SETD3: variants seen among roughly 807,000 people sequenced by gnomAD.
SETD3 encodes SET domain containing 3, actin N3(tau)-histidine methyltransferase.
Under a neutral mutation model 63.0 loss-of-function variants are expected in SETD3, and 19 were observed. The observed-to-expected ratio is 0.30, with a 90% CI of 0.21 to 0.44. SETD3 has a LOEUF of 0.44. SETD3 is among the 20% of genes least tolerant of loss of function. SETD3 has a pLI of 1.00. For missense variants in SETD3, 587 were observed against 728.5 expected (o/e 0.81, Z 2.24); for synonymous variants, 286 against 264.1 (o/e 1.08, Z -0.80).
chr14:99,407,819 G>A (rs117747491), intron 8 of SETD3, among the ~76,000 whole-genome samples: 5,024 of 152,238 alleles, frequency 0.033, 139 homozygotes, highest in Middle Eastern at 0.051. Context: ...GTCACACTTG[G>A]AAGCTGGAGC....
chr14:99,478,565 C>T (rs940217653), intron 1 of SETD3, among the ~76,000 whole-genome samples: 2 of 152,224 alleles, frequency 1.3e-5, no homozygotes, highest in African/African-American at 2.4e-5. Context: ...CCTCAAACTA[C>T]ACTGACATCT....
At chr14:99,426,241 A>G (rs917603448) in intron 6 of SETD3, among the ~76,000 whole-genome samples, 2 of 152,264 alleles carry the variant, frequency 1.3e-5, no homozygotes, top group African/African-American at 2.4e-5. Flanking sequence ...AATACCACGT[A>G]GCACTCTGGT....
intron 1 of SETD3, among the ~76,000 whole-genome samples, chr14:99,478,143 G>A (rs2082738043): frequency 6.6e-6 from 1 of 151,920 alleles, no homozygotes; most frequent in Admixed American, 6.6e-5. Context: ...CCAAAAATAA[G>A]GGTAGGTAAT....
chr14:99,421,835 T>C (rs905036012), intron 6 of SETD3, among the ~76,000 whole-genome samples: 6 of 152,132 alleles, frequency 3.9e-5, no homozygotes, highest in African/African-American at 1.4e-4. Flanking sequence ...AGACAAGAGT[T>C]TTCTGGAGTT....
At chr14:99,476,166 C>G (rs1895962442) in intron 1 of SETD3, among the ~76,000 whole-genome samples, 1 of 152,172 alleles carries the variant, frequency 6.6e-6, no homozygotes, top group African/African-American at 2.4e-5. Context: ...CTTACGGAGA[C>G]TGATTAATTT....
At chr14:99,437,780 A>C (rs1288379378) in intron 6 of SETD3, among the ~76,000 whole-genome samples, 1 of 152,246 alleles carries the variant, frequency 6.6e-6, no homozygotes, top group African/African-American at 2.4e-5. Flanking sequence ...AACTTGGCTC[A>C]ACACTTCAGT....
chr14:99,455,693 GT>G (rs1392382979), intron 6 of SETD3, among the ~76,000 whole-genome samples: 1 of 152,064 alleles, frequency 6.6e-6, no homozygotes, highest in Non-Finnish European at 1.5e-5. Flanking sequence ...AATCATATAG[GT>G]AACTGAGGTG....
intron 6 of SETD3, among the ~76,000 whole-genome samples, chr14:99,414,584 A>G (rs1033041181): frequency 6.6e-6 from 1 of 152,226 alleles, no homozygotes; most frequent in Admixed American, 6.5e-5. Flanking sequence ...GCATATTTAA[A>G]TTTTACTTCT....
intron 6 of SETD3, among the ~76,000 whole-genome samples, chr14:99,450,483 A>C (rs998106144): frequency 1.3e-5 from 2 of 152,234 alleles, no homozygotes; most frequent in Admixed American, 1.3e-4. Flanking sequence ...CTGTTTTCAG[A>C]GACAGGCTGC....
At chr14:99,414,523 G>A (rs1255124431) in intron 6 of SETD3, among the ~76,000 whole-genome samples, 1 of 152,234 alleles carries the variant, frequency 6.6e-6, no homozygotes, top group Admixed American at 6.5e-5. Flanking sequence ...GCAGGTCTAT[G>A]AGACTATAAA....
intron 8 of SETD3, chr14:99,411,438 C>T (rs1425375569): frequency 1.3e-5 from 2 of 152,182 alleles, no homozygotes; most frequent in Non-Finnish European, 2.9e-5. Flanking sequence ...CTAGGGACCA[C>T]GGTGGCCTGG....
Position 99,398,135 on chromosome 14 carries a change from A to T in SETD3, c.*544T>A, listed in dbSNP as rs1465343745. The T allele has an allele frequency of 2.0e-5, 3 of 152,460 alleles. No individual in the cohort carries two copies. Among genetic ancestry groups the T allele is most frequent in the Non-Finnish European group, 4.4e-5 (3 of 68,140 alleles). The allele number at this position is 152,460 out of a possible 1,614,324, so 9.4% of individuals were successfully genotyped here. A position where few individuals can be genotyped will look rare whatever the true frequency, so the allele number is the denominator to read the frequency against. On this transcript the variant is annotated 3_prime_UTR_variant, in exon 13 of 13. Transcript: ENST00000331768. ...TCAAACTATTAAAAATAAGGTTGCCACCTTACCTTTTCTTTTGGTAATGGG... is the reference window on the plus strand; with the variant it reads ...TCAAACTATTAAAAATAAGGTTGCCTCCTTACCTTTTCTTTTGGTAATGGG...
intron 7 of SETD3, among the ~76,000 whole-genome samples, 179 bp downstream of exon 7, chr14:99,413,697 A>G (rs1892130367): frequency 2.6e-5 from 4 of 152,220 alleles, no homozygotes; most frequent in Admixed American, 2.6e-4. Context: ...CTACATGGCT[A>G]TGAAAATGCT....
intron 12 of SETD3, 27 bp from the exon 13 acceptor site, chr14:99,399,152 C>T (rs1891242393): frequency 1.2e-6 from 2 of 1,602,006 alleles, no homozygotes; most frequent in Non-Finnish European, 1.7e-6. Context: ...AAATTAATTA[C>T]AAGAAGTCTA....
intron 1 of SETD3, 33 bp from the exon 2 acceptor site, chr14:99,465,846 T>G: frequency 6.9e-7 from 1 of 1,454,700 alleles, no homozygotes; most frequent in Non-Finnish European, 9.6e-7. Flanking sequence ...AGAAAAAAAT[T>G]ACATTACCAA....
chr14:99,400,073 A>G (rs773471419), intron 12 of SETD3, 26 bp downstream of exon 12: 3 of 1,578,390 alleles, frequency 1.9e-6, no homozygotes, highest in South Asian at 2.3e-5. Flanking sequence ...AACAAGTTCA[A>G]AACCTCATTT....
At chr14:99,454,913 G>A (rs1167728566) in intron 6 of SETD3, among the ~76,000 whole-genome samples, 1 of 152,218 alleles carries the variant, frequency 6.6e-6, no homozygotes, top group East Asian at 1.9e-4. Context: ...CAGGTGCTAT[G>A]GCACCAGGCT....
chr14:99,468,405 T>C (rs909614027), intron 1 of SETD3, among the ~76,000 whole-genome samples: 2 of 152,148 alleles, frequency 1.3e-5, no homozygotes, highest in African/African-American at 4.8e-5. Context: ...CCCTAAATAG[T>C]AGGAAATCAC....
At chr14:99,462,278 T>C (rs1895109664) in intron 3 of SETD3, among the ~76,000 whole-genome samples, 1 of 152,224 alleles carries the variant, frequency 6.6e-6, no homozygotes, top group Non-Finnish European at 1.5e-5. Context: ...ATGTCCTATG[T>C]AGTCAAAAAG....
Sources: gnomAD v4.1 joint callset for allele counts (sites outside exome capture counted in the v4.1 genomes callset) on GRCh38, gnomAD v4.1.1 for gene constraint, MANE v1.5 for transcripts, NCBI Gene and HGNC (gene_info 2026-07-23, HGNC 2026-07-21) for gene names.